PDE10A: variants seen among roughly 807,000 people sequenced by gnomAD.
PDE10A encodes the protein phosphodiesterase 10A.
In PDE10A, 39 loss-of-function variants were observed where a neutral mutation model predicts 97.7. That is an observed-to-expected ratio of 0.40 (90% CI 0.31 to 0.52). PDE10A has a LOEUF of 0.52. PDE10A is among the 20% of genes least tolerant of loss of function. PDE10A has a pLI of 0.56. For missense variants in PDE10A, 731 were observed against 1,047.8 expected (o/e 0.70, Z 4.17); for synonymous variants, 371 against 376.8 (o/e 0.98, Z 0.18).
intron 1 of PDE10A, among the ~76,000 whole-genome samples, chr6:165,868,044 T>C (rs1781106407): frequency 6.6e-6 from 1 of 152,068 alleles, no homozygotes; most frequent in Non-Finnish European, 1.5e-5. Context: ...GAGGAAAATT[T>C]ACAGCAATAA....
rs184916626 is a variant in PDE10A at position 165,556,656 on chromosome 6, A to C, written c.866-13088T>G. 7.9e-5 allele frequency among the ~76,000 whole-genome samples: 12 copies of C among 152,344 alleles called. No individual in the cohort carries two copies. The East Asian group carries it at 1.9e-3, about 24-fold the overall frequency. On this transcript the variant is annotated intron_variant, in intron 1 of 21. Coordinates refer to ENST00000539869, the MANE Select transcript of PDE10A (RefSeq NM_001385079.1). ...ATGAAATACAAGTAAGCCTAATGCT[A>C]AGTAAATACATTCTGTACCTCAGCC...
At chr6:165,742,593 C>T (rs957701321) in intron 1 of PDE10A, among the ~76,000 whole-genome samples, 1 of 152,122 alleles carries the variant, frequency 6.6e-6, no homozygotes, top group African/African-American at 2.4e-5. Context: ...TATTTTTAAA[C>T]AACCTCATGA....
At chr6:165,816,584 A>T (rs1427702736) in intron 1 of PDE10A, among the ~76,000 whole-genome samples, 2 of 152,228 alleles carry the variant, frequency 1.3e-5, no homozygotes, top group Non-Finnish European at 2.9e-5. Flanking sequence ...ATGAGGGTTA[A>T]ATGATTGAAT....
chr6:165,334,557 G>A (rs1781539239), intron 21 of PDE10A, among the ~76,000 whole-genome samples: 1 of 152,238 alleles, frequency 6.6e-6, no homozygotes, highest in African/African-American at 2.4e-5. Flanking sequence ...GGACAGGAAA[G>A]GACTTTTGAA....
chr6:165,827,373 G>T (rs1276731969), intron 1 of PDE10A, among the ~76,000 whole-genome samples: 2 of 152,208 alleles, frequency 1.3e-5, no homozygotes, highest in African/African-American at 4.8e-5. Flanking sequence ...CGGTGACAGC[G>T]CCAAGCTCCA....
intron 1 of PDE10A, among the ~76,000 whole-genome samples, chr6:165,691,833 C>T (rs1791309631): frequency 1.3e-5 from 2 of 152,244 alleles, no homozygotes; most frequent in Non-Finnish European, 2.9e-5. Flanking sequence ...AGATAATAAA[C>T]TCTGAGTGGG....
In PDE10A at chr6:165,543,481, G is replaced by A. The variant is rs368517659; in HGVS notation, c.953C>T (p.Thr318Ile). 1.9e-6 allele frequency: 3 copies of A among 1,612,706 alleles called. No individual in the cohort carries two copies. Among genetic ancestry groups the A allele is most frequent in the African/African-American group, 1.3e-5 (1 of 74,890 alleles). ...CTTCCTCTTCAGCCATTTCTCTACTGTCTCTGCACTAACACTTTCAGATAC... is the reference window on the plus strand; with the variant it reads ...CTTCCTCTTCAGCCATTTCTCTACTATCTCTGCACTAACACTTTCAGATAC... ...EFVSESVSAE[T>I]VEKWLKRKNN... The change falls in exon 2 of 22, where the codon ACA becomes ATA. Residue 318 changes from threonine to isoleucine, a missense_variant. Physicochemically the swap from Thr to Ile is moderately conservative, Grantham distance 89 (BLOSUM62 -1). Around this residue, in one of 8 missense-constraint regions of PDE10A, gnomAD observed 181 missense variants for 159.1 expected, o/e 1.14. Coordinates refer to ENST00000539869, the MANE Select transcript of PDE10A (RefSeq NM_001385079.1).
intron 1 of PDE10A, among the ~76,000 whole-genome samples, chr6:165,691,583 ACGCG>A (rs370669081): frequency 2.8e-5 from 4 of 144,678 alleles, no homozygotes; most frequent in Non-Finnish European, 3.1e-5. Flanking sequence ...GCACGCATGC[ACGCG>A]CGCGCACACA....
At chr6:165,841,726 G>C (rs919129276) in intron 1 of PDE10A, among the ~76,000 whole-genome samples, 1 of 152,158 alleles carries the variant, frequency 6.6e-6, no homozygotes, top group Non-Finnish European at 1.5e-5. Context: ...AGTGCTTCTC[G>C]GCCTAAGAAA....
At chr6:165,836,021 A>G (rs1026396718) in intron 1 of PDE10A, among the ~76,000 whole-genome samples, 3 of 152,090 alleles carry the variant, frequency 2.0e-5, no homozygotes, top group Non-Finnish European at 4.4e-5. Context: ...GAAAACATCA[A>G]TCTTGTCACA....
chr6:165,747,503 T>C (rs1456843613), intron 1 of PDE10A, among the ~76,000 whole-genome samples: 2 of 152,160 alleles, frequency 1.3e-5, no homozygotes, highest in Admixed American at 1.3e-4. Context: ...TAACATCACA[T>C]TGCTAGTTTG....
chr6:165,365,088 A>G (rs1783684319), intron 18 of PDE10A, among the ~76,000 whole-genome samples: 1 of 152,104 alleles, frequency 6.6e-6, no homozygotes, highest in Non-Finnish European at 1.5e-5. Context: ...CAACAAATAA[A>G]TGAAAAATTT....
At chr6:165,380,654 C>A (rs941213748) in intron 17 of PDE10A, among the ~76,000 whole-genome samples, 1 of 152,188 alleles carries the variant, frequency 6.6e-6, no homozygotes, top group Admixed American at 6.5e-5. Context: ...AGAGTTCCCA[C>A]ATGGATTGTA....
intron 2 of PDE10A, among the ~76,000 whole-genome samples, chr6:165,488,654 T>G (rs1374568512): frequency 6.6e-6 from 1 of 152,000 alleles, no homozygotes; most frequent in Non-Finnish European, 1.5e-5. Flanking sequence ...CGAGGAACTG[T>G]GGGTTCACTT....
intron 1 of PDE10A, among the ~76,000 whole-genome samples, chr6:165,879,873 G>A (rs539100286): frequency 2.7e-5 from 4 of 150,476 alleles, no homozygotes; most frequent in Non-Finnish European, 5.9e-5. Context: ...GGGGCCAACC[G>A]TGTCTCCAAA....
intron 1 of PDE10A, among the ~76,000 whole-genome samples, chr6:165,620,777 C>A (rs564325194): frequency 8.3e-5 from 10 of 120,416 alleles, no homozygotes; most frequent in African/African-American, 3.0e-4. Context: ...AATCCCAACC[C>A]TTTGGGAGGT....
intron 1 of PDE10A, among the ~76,000 whole-genome samples, chr6:165,963,369 G>C (rs997380599): frequency 6.6e-6 from 1 of 152,162 alleles, no homozygotes; most frequent in Non-Finnish European, 1.5e-5. Flanking sequence ...ACTTACACAG[G>C]CCTAGTAGGA....
intron 1 of PDE10A, among the ~76,000 whole-genome samples, chr6:165,892,625 G>GT (rs1306246567): frequency 6.6e-6 from 1 of 152,154 alleles, no homozygotes; most frequent in Non-Finnish European, 1.5e-5. Context: ...CTCCATGTTT[G>GT]TGTTCCCAGC....
In PDE10A at chr6:165,493,282, T is replaced by A. The variant is rs545935787; in HGVS notation, c.995-10939A>T. ...TGCCAAAAGTAATCTACAAATTCAA[T>A]GCACTTCCCATCAAAATACCACCAT... On this transcript the variant is annotated intron_variant, in intron 2 of 21. Coordinates refer to ENST00000539869, the MANE Select transcript of PDE10A (RefSeq NM_001385079.1). 1.3e-3 allele frequency among the ~76,000 whole-genome samples: 204 copies of A among 152,168 alleles called. 8 individuals carry two copies. In the South Asian group the frequency reaches 0.04, roughly 30 times the overall value.
Sources: allele counts gnomAD v4.1 joint callset (sites outside exome capture counted in the v4.1 genomes callset), GRCh38; gene constraint gnomAD v4.1.1; regional missense constraint gnomAD v4.1.1; transcripts MANE v1.5; gene names NCBI Gene and HGNC (gene_info 2026-07-23, HGNC 2026-07-21).